LMLN: variants seen among roughly 807,000 people sequenced by gnomAD.
LMLN encodes leishmanolysin-like peptidase.
In LMLN, 70 loss-of-function variants were observed where a neutral mutation model predicts 92.3. The ratio of observed to expected loss-of-function variants is 0.76; its 90% CI spans 0.63 to 0.92. LMLN has a LOEUF of 0.92. Among genes scored for constraint, LMLN ranks in the 40% least tolerant of loss-of-function variants. The pLI, the probability that LMLN is intolerant of heterozygous loss-of-function variation, is 0.00. For synonymous variants in LMLN, 308 were observed against 296.2 expected (o/e 1.04, Z -0.41); for missense variants, 691 against 814.6 (o/e 0.85, Z 1.85).
chr3:197,994,414 T>C (rs1300300597), intron 9 of LMLN, among the ~76,000 whole-genome samples: 1 of 152,122 alleles, frequency 6.6e-6, no homozygotes, highest in Non-Finnish European at 1.5e-5. Context: ...AACAGCTGTG[T>C]ACAAACAGCC....
chr3:197,990,772 A>C, intron 9 of LMLN, 96 bp downstream of exon 9: 1 of 603,434 alleles, frequency 1.7e-6, no homozygotes, highest in Non-Finnish European at 3.0e-6. Flanking sequence ...AGAACTTATA[A>C]TTAGAGCCTA....
At chr3:198,006,774 G>A (rs1034289272) in intron 11 of LMLN, among the ~76,000 whole-genome samples, 6 of 151,634 alleles carry the variant, frequency 4.0e-5, no homozygotes, top group Non-Finnish European at 7.4e-5. Flanking sequence ...GTGCAGTGGC[G>A]CGATCTTGGC....
chr3:197,977,665 A>G (rs1274243748), intron 5 of LMLN, among the ~76,000 whole-genome samples: 2 of 152,152 alleles, frequency 1.3e-5, no homozygotes, highest in African/African-American at 4.8e-5. Flanking sequence ...TCATCAAACA[A>G]TCTGGAAGTA....
rs537755464 is a variant in LMLN at position 197,987,301 on chromosome 3, A to G, written c.929+1411A>G. 4.5e-3 allele frequency among the ~76,000 whole-genome samples: 677 copies of G among 151,710 alleles called. 2 individuals carry two copies. Among genetic ancestry groups the G allele is most frequent in the Non-Finnish European group, 7.8e-3 (528 of 67,964 alleles). ...CAGCCTCCCAAGTAGCTGGGACTAC[A>G]GGCGCCTGCCAACACGCCCGGCTGA... On this transcript the variant is annotated intron_variant, in intron 8 of 15. Transcript: ENST00000330198.
chr3:198,013,385 C>T (rs1722509449), intron 11 of LMLN, among the ~76,000 whole-genome samples: 1 of 101,286 alleles, frequency 9.9e-6, no homozygotes, highest in East Asian at 2.6e-4. Flanking sequence ...TCTGACTTCT[C>T]TCCACCCTTT....
intron 1 of LMLN, among the ~76,000 whole-genome samples, chr3:197,961,141 T>C (rs765140899): frequency 4.6e-5 from 7 of 152,250 alleles, no homozygotes; most frequent in Non-Finnish European, 1.0e-4. Flanking sequence ...ATCGTGTCTG[T>C]ACTCCCTCCT....
intron 1 of LMLN, among the ~76,000 whole-genome samples, chr3:197,962,194 G>A (rs1000871817): frequency 6.6e-6 from 1 of 151,568 alleles, no homozygotes; most frequent in African/African-American, 2.4e-5. Flanking sequence ...TACTAGATTA[G>A]TTTGGCCAAT....
intron 5 of LMLN, among the ~76,000 whole-genome samples, chr3:197,978,485 AAGTT>A (rs1721466490): frequency 6.6e-6 from 1 of 151,982 alleles, no homozygotes; most frequent in Admixed American, 6.5e-5. Flanking sequence ...AAAATACAAA[AAGTT>A]AGCCAGGATT....
chr3:198,024,371 G>A (rs113797178), intron 13 of LMLN, among the ~76,000 whole-genome samples: 6,472 of 151,550 alleles, frequency 0.043, 170 homozygotes, highest in East Asian at 0.094. Flanking sequence ...GCCCGCCACC[G>A]CGCCCGGCTA....
chr3:197,994,176 A>T (rs183195223), intron 9 of LMLN, among the ~76,000 whole-genome samples: 41 of 152,312 alleles, frequency 2.7e-4, no homozygotes, highest in Non-Finnish European at 5.0e-4. Flanking sequence ...AGAAGAAAAC[A>T]TAAGGGGACA....
At chr3:198,013,869 T>C (rs1444201355) in intron 11 of LMLN, among the ~76,000 whole-genome samples, 1 of 132,468 alleles carries the variant, frequency 7.5e-6, no homozygotes, top group African/African-American at 3.2e-5. Context: ...GACTTCTCTG[T>C]ACCCTTCAGA....
chr3:198,002,667 G>A (rs912637765), intron 11 of LMLN, among the ~76,000 whole-genome samples: 3 of 152,236 alleles, frequency 2.0e-5, no homozygotes, highest in African/African-American at 7.2e-5. Flanking sequence ...GAACCCATGA[G>A]GCAGAGCTTG....
intron 14 of LMLN, among the ~76,000 whole-genome samples, chr3:198,034,871 A>C (rs1411651503): frequency 6.6e-6 from 1 of 152,112 alleles, no homozygotes; most frequent in Non-Finnish European, 1.5e-5. Context: ...GTTTATAATA[A>C]ACATTTTTAT....
intron 9 of LMLN, among the ~76,000 whole-genome samples, chr3:197,993,175 TATACTC>T (rs927426387): frequency 1.2e-4 from 19 of 152,144 alleles, no homozygotes; most frequent in African/African-American, 3.6e-4. Flanking sequence ...CAACCAATCT[TATACTC>T]ATTAGTGAAA....
intron 11 of LMLN, among the ~76,000 whole-genome samples, chr3:198,007,042 T>C (rs1360413945): frequency 6.6e-6 from 1 of 151,582 alleles, no homozygotes; most frequent in African/African-American, 2.4e-5. Flanking sequence ...TACTGTTGAG[T>C]TTTGAGAGTT....
At chr3:198,026,137 G>A (rs1039194308) in intron 14 of LMLN, among the ~76,000 whole-genome samples, 1 of 151,900 alleles carries the variant, frequency 6.6e-6, no homozygotes, top group Non-Finnish European at 1.5e-5. Context: ...CTTATTTTTT[G>A]TAGAGACAGG....
At chr3:198,010,592 A>G (rs1368355342) in intron 11 of LMLN, among the ~76,000 whole-genome samples, 1 of 152,140 alleles carries the variant, frequency 6.6e-6, no homozygotes, top group East Asian at 1.9e-4. Flanking sequence ...CTGGGACTAC[A>G]GGCACACACC....
intron 5 of LMLN, among the ~76,000 whole-genome samples, chr3:197,979,622 C>G (rs1721500887): frequency 6.6e-6 from 1 of 152,046 alleles, no homozygotes. Context: ...TCGAGACCAG[C>G]CTGGCCTATA....
chr3:197,974,363 G>C lies in LMLN; in HGVS notation c.220-14G>C. ...TATGTCTTAAACAGTTTTCAAATCC[G>C]TTCCTTTTTTCAGGTCATAAATAAA... On this transcript the variant is annotated splice_polypyrimidine_tract_variant and intron_variant, in intron 1 of 15. Transcript: ENST00000330198. The C allele has an allele frequency of 7.1e-7, 1 of 1,413,536 alleles. No individual in the cohort carries two copies. The highest frequency in any genetic ancestry group is 1.2e-5 in the South Asian group (1 of 82,798). The allele number at this position is 1,413,536 out of a possible 1,614,324, so 87.6% of individuals were successfully genotyped here.
Sources: gnomAD v4.1 joint callset for allele counts (sites outside exome capture counted in the v4.1 genomes callset) on GRCh38, gnomAD v4.1.1 for gene constraint, MANE v1.5 for transcripts, NCBI Gene and HGNC (gene_info 2026-07-23, HGNC 2026-07-21) for gene names.